The following APP variants were observed in gnomAD, a reference collection of about 807,000 sequenced individuals.
The protein encoded by APP is amyloid beta precursor protein.
A neutral mutation model predicts 101.4 loss-of-function variants in APP; 31 were observed. That is an observed-to-expected ratio of 0.31 (90% CI 0.23 to 0.41). The LOEUF is 0.41. APP is among the 10% of genes least tolerant of loss of function. The probability of loss-of-function intolerance (pLI) is 1.00; values close to 1 mark genes in which losing one functional copy is unlikely to be tolerated. For synonymous variants in APP, 366 were observed against 364.4 expected (o/e 1.00, Z -0.05); for missense variants, 839 against 1,003.7 (o/e 0.84, Z 2.22).
chr21:26,002,286 A>G (rs2043330030), intron 6 of APP, among the ~76,000 whole-genome samples: 1 of 81,478 alleles, frequency 1.2e-5, no homozygotes. Flanking sequence ...TCGTGATGGT[A>G]GCCACCTCTG....
chr21:26,126,046 G>T (rs2062675739), intron 1 of APP, among the ~76,000 whole-genome samples: 1 of 152,144 alleles, frequency 6.6e-6, no homozygotes, highest in Admixed American at 6.5e-5. Flanking sequence ...CTCGCCCTTG[G>T]GCAGGAGGGG....
chr21:26,010,859 C>CA (rs145744125), intron 6 of APP, among the ~76,000 whole-genome samples: 3,867 of 114,530 alleles, frequency 0.034, 77 homozygotes, highest in South Asian at 0.062. Context: ...AACAACAAAA[C>CA]AAAAAAAACA....
chr21:25,885,115 C>T (rs926786443), intron 17 of APP, among the ~76,000 whole-genome samples: 3 of 152,216 alleles, frequency 2.0e-5, no homozygotes, highest in Non-Finnish European at 4.4e-5. Context: ...GGCTTAGGAG[C>T]TACAGAAGAA....
At chr21:26,086,869 T>C (rs1364285704) in intron 3 of APP, among the ~76,000 whole-genome samples, 1 of 152,200 alleles carries the variant, frequency 6.6e-6, no homozygotes, top group Non-Finnish European at 1.5e-5. Flanking sequence ...ACTGGACCAA[T>C]AATCAAGAGA....
rs893753401 is a variant in APP at position 25,918,850 on chromosome 21, C to A, written c.1688-6888G>T. 3.0e-4 allele frequency among the ~76,000 whole-genome samples: 44 copies of A among 149,070 alleles called. 1 individual carries two copies. In the East Asian group the frequency reaches 4.2e-3, roughly 14 times the overall value. ...GGCTTGCTTAGGTAAACAAAGCAGC[C>A]GGGAAGCTCGAACTGGGTGGAGCCC... On this transcript the variant is annotated intron_variant, in intron 13 of 17. Transcript: ENST00000346798.
intron 3 of APP, among the ~76,000 whole-genome samples, chr21:26,062,749 A>AT (rs1304379094): frequency 2.0e-5 from 3 of 151,552 alleles, no homozygotes; most frequent in Admixed American, 2.0e-4. Context: ...GGGTTAACAA[A>AT]TTTTTTTATA....
chr21:25,881,611 CG>C lies in APP; in HGVS notation c.*58del. On this transcript the variant is annotated 3_prime_UTR_variant, in exon 18 of 18. Coordinates refer to ENST00000346798, the MANE Select transcript of APP (RefSeq NM_000484.4). ...CCCACATTATTCTATAAATGGACACCGATGGGTAGTGAAGCAATGGTTTTGC... is the reference window on the plus strand; with the variant it reads ...CCCACATTATTCTATAAATGGACACCATGGGTAGTGAAGCAATGGTTTTGC... 1 of 1,539,410 alleles carries C rather than the reference CG, an allele frequency of 6.5e-7. No homozygotes were observed. The highest frequency in any genetic ancestry group is 9.0e-7 in the Non-Finnish European group (1 of 1,112,872).
At chr21:25,993,694 A>T (rs1016944890) in intron 8 of APP, among the ~76,000 whole-genome samples, 1 of 152,202 alleles carries the variant, frequency 6.6e-6, no homozygotes, top group African/African-American at 2.4e-5. Context: ...ACGTGTTTAC[A>T]CCAGGAGAGT....
At chr21:26,140,790 C>T (rs2063027810) in intron 1 of APP, among the ~76,000 whole-genome samples, 1 of 152,188 alleles carries the variant, frequency 6.6e-6, no homozygotes, top group African/African-American at 2.4e-5. Flanking sequence ...CATAGACTCT[C>T]CCTTAAACTC....
At chr21:25,930,143 A>G (rs967965688) in intron 13 of APP, among the ~76,000 whole-genome samples, 1 of 152,178 alleles carries the variant, frequency 6.6e-6, no homozygotes, top group African/African-American at 2.4e-5. Context: ...CAGCATTGCC[A>G]TAACAGCTGT....
chr21:26,143,445 A>G (rs2063090581), intron 1 of APP, among the ~76,000 whole-genome samples: 1 of 152,224 alleles, frequency 6.6e-6, no homozygotes, highest in Non-Finnish European at 1.5e-5. Flanking sequence ...TAATTGACAA[A>G]AATTATGTAT....
chr21:26,055,554 T>A (rs1350519479), intron 3 of APP, among the ~76,000 whole-genome samples: 2 of 152,124 alleles, frequency 1.3e-5, no homozygotes, highest in Non-Finnish European at 2.9e-5. Flanking sequence ...GTTTCTGAGG[T>A]CAGGGACTAA....
intron 15 of APP, among the ~76,000 whole-genome samples, chr21:25,900,463 G>A (rs1343176625): frequency 6.6e-6 from 1 of 151,244 alleles, no homozygotes; most frequent in Non-Finnish European, 1.5e-5. Context: ...AGAAGGCTGA[G>A]GCATAAGAAT....
At chr21:26,000,274 A>G in intron 6 of APP, 92 bp from the exon 7 acceptor site, 1 of 1,513,204 alleles carries the variant, frequency 6.6e-7, no homozygotes, top group South Asian at 1.2e-5. Context: ...TAATCCTCCC[A>G]GTGGCAACCT....
chr21:26,145,910 TAA>T (rs2063145118), intron 1 of APP, among the ~76,000 whole-genome samples: 1 of 132,468 alleles, frequency 7.5e-6, no homozygotes, highest in Non-Finnish European at 1.6e-5. Flanking sequence ...TTCTACTGTA[TAA>T]GAGTTTTTTA....
chr21:26,086,165 A>G (rs531510321), intron 3 of APP, among the ~76,000 whole-genome samples: 3 of 152,346 alleles, frequency 2.0e-5, no homozygotes, highest in Admixed American at 1.3e-4. Flanking sequence ...CTCCTTGAGT[A>G]ACAGTAATGA....
intron 15 of APP, among the ~76,000 whole-genome samples, chr21:25,898,134 G>A (rs1253272635): frequency 5.3e-5 from 8 of 152,140 alleles, no homozygotes; most frequent in Non-Finnish European, 1.2e-4. Flanking sequence ...GCTACTTTGG[G>A]GCTTTGTTCC....
chr21:26,113,742 G>C (rs1285997818), intron 1 of APP, among the ~76,000 whole-genome samples: 1 of 152,176 alleles, frequency 6.6e-6, no homozygotes, highest in Non-Finnish European at 1.5e-5. Context: ...CAAAGCAGCA[G>C]GCTAAGTAGA....
chr21:26,010,368 CA>C (rs1273604702), intron 6 of APP, among the ~76,000 whole-genome samples: 27 of 152,314 alleles, frequency 1.8e-4, no homozygotes, highest in African/African-American at 6.0e-4. Context: ...CACATTTTAT[CA>C]AATACTTGCT....
Sources: gnomAD v4.1 joint callset for allele counts (sites outside exome capture counted in the v4.1 genomes callset) on GRCh38, gnomAD v4.1.1 for gene constraint, MANE v1.5 for transcripts, NCBI Gene and HGNC (gene_info 2026-07-23, HGNC 2026-07-21) for gene names.